CSNK1G1: variants seen among roughly 807,000 people sequenced by gnomAD.
CSNK1G1 encodes the protein casein kinase 1 gamma 1, also known as casein kinase I isoform gamma-1.
In CSNK1G1, 22 loss-of-function variants were observed where a neutral mutation model predicts 59.6. That is an observed-to-expected ratio of 0.37 (90% CI 0.26 to 0.53). CSNK1G1 has a LOEUF of 0.53. CSNK1G1 is among the 20% of genes least tolerant of loss of function. The pLI is 0.89. For missense variants in CSNK1G1, 384 were observed against 519.5 expected, an observed-to-expected ratio of 0.74 and a Z score of 2.54; for synonymous variants, 179 against 177.1, an observed-to-expected ratio of 1.01 and a Z score of -0.08.
intron 1 of CSNK1G1, among the ~76,000 whole-genome samples, chr15:64,338,653 T>C (rs747230335): frequency 1.8e-4 from 23 of 128,460 alleles, no homozygotes; most frequent in Non-Finnish European, 3.1e-5. Context: ...TGAGCTGAGA[T>C]CGTGCCACTG....
intron 1 of CSNK1G1, among the ~76,000 whole-genome samples, chr15:64,327,581 G>C (rs1374984074): frequency 3.5e-5 from 5 of 144,024 alleles, no homozygotes; most frequent in Non-Finnish European, 7.6e-5. Flanking sequence ...GGAAAAAACA[G>C]AACAGAAAAA....
Position 64,263,247 on chromosome 15 carries a change from G to A in CSNK1G1, c.182-4006C>T, listed in dbSNP as rs539876280. 1.9e-3 allele frequency among the ~76,000 whole-genome samples: 293 copies of A among 151,454 alleles called. 3 individuals are homozygous for A. The highest frequency in any genetic ancestry group is 9.9e-4 in the East Asian group (5 of 5,050). ...TCTGTTGCCCATGCTGGAGCGCAGT[G>A]GCATGATCTCAGCTCATTGCAACCT... On this transcript the variant is annotated intron_variant, in intron 2 of 11. Transcript: ENST00000303052.
At chr15:64,248,760 A>G (rs1440280348) in intron 4 of CSNK1G1, among the ~76,000 whole-genome samples, 1 of 151,586 alleles carries the variant, frequency 6.6e-6, no homozygotes, top group Non-Finnish European at 1.5e-5. Context: ...CGAGGCAGGC[A>G]GATCACGAGG....
At chr15:64,342,433 A>T (rs1897727234) in intron 1 of CSNK1G1, 1 of 152,202 alleles carries the variant, frequency 6.6e-6, no homozygotes, top group African/African-American at 2.4e-5. Context: ...ACAAGCCTTT[A>T]CTGCTGCTAG....
intron 1 of CSNK1G1, among the ~76,000 whole-genome samples, chr15:64,332,317 A>T (rs1305409018): frequency 4.4e-5 from 6 of 135,276 alleles, no homozygotes; most frequent in Admixed American, 2.4e-4. Context: ...AATGTGGCAC[A>T]TATACATCAT....
chr15:64,192,828 G>C (rs1022612919), intron 10 of CSNK1G1, among the ~76,000 whole-genome samples: 3 of 101,884 alleles, frequency 2.9e-5, no homozygotes, highest in African/African-American at 1.2e-4. Flanking sequence ...GAGTGACAGA[G>C]TGAGATCTGC....
At chr15:64,178,129 T>C (rs1042538863) in intron 11 of CSNK1G1, among the ~76,000 whole-genome samples, 1 of 152,182 alleles carries the variant, frequency 6.6e-6, no homozygotes, top group Non-Finnish European at 1.5e-5. Flanking sequence ...TTTTCTACCA[T>C]GCCCCAAATG....
intron 10 of CSNK1G1, among the ~76,000 whole-genome samples, chr15:64,199,286 A>G (rs560189213): frequency 6.4e-4 from 97 of 151,308 alleles, no homozygotes; most frequent in Middle Eastern, 6.8e-3. Flanking sequence ...AAAGAAAAGA[A>G]AAAGAGAAAA....
intron 7 of CSNK1G1, among the ~76,000 whole-genome samples, chr15:64,205,295 C>T (rs1466702433): frequency 6.6e-6 from 1 of 152,082 alleles, no homozygotes; most frequent in African/African-American, 2.4e-5. Context: ...CACCATAATT[C>T]AATATGATTC....
intron 11 of CSNK1G1, among the ~76,000 whole-genome samples, chr15:64,177,231 G>A (rs937830308): frequency 6.6e-6 from 1 of 152,172 alleles, no homozygotes; most frequent in Admixed American, 6.5e-5. Flanking sequence ...GTACTGAGGT[G>A]TGTCTCAATA....
intron 2 of CSNK1G1, among the ~76,000 whole-genome samples, chr15:64,272,136 G>T (rs756394193): frequency 6.6e-6 from 1 of 151,526 alleles, no homozygotes; most frequent in Non-Finnish European, 1.5e-5. Context: ...TTGAGCCTAC[G>T]GATATCATTA....
chr15:64,337,037 G>A (rs2140468233), intron 1 of CSNK1G1, among the ~76,000 whole-genome samples: 1 of 152,144 alleles, frequency 6.6e-6, no homozygotes, highest in South Asian at 2.1e-4. Context: ...AGACCAGCCT[G>A]GCCAACATGG....
intron 1 of CSNK1G1, among the ~76,000 whole-genome samples, chr15:64,325,660 A>C (rs1896799091): frequency 6.6e-6 from 1 of 152,068 alleles, no homozygotes; most frequent in Admixed American, 6.5e-5. Flanking sequence ...CACATCTCTA[A>C]ATTTTTACAG....
intron 1 of CSNK1G1, among the ~76,000 whole-genome samples, chr15:64,313,997 G>A (rs1896136042): frequency 6.6e-6 from 1 of 152,152 alleles, no homozygotes. Flanking sequence ...AACTTCTAGT[G>A]TAGAGAGGGC....
At chr15:64,343,127 G>A (rs370370091) in intron 1 of CSNK1G1, among the ~76,000 whole-genome samples, 1 of 151,394 alleles carries the variant, frequency 6.6e-6, no homozygotes, top group Non-Finnish European at 1.5e-5. Flanking sequence ...CAGGAGAATC[G>A]CTTGAACCCA....
intron 11 of CSNK1G1, among the ~76,000 whole-genome samples, chr15:64,173,749 A>C (rs150050492): frequency 6.7e-6 from 1 of 150,314 alleles, no homozygotes; most frequent in African/African-American, 2.4e-5. Context: ...CAGCCTCCTG[A>C]GTAGCTGGTG....
chr15:64,289,754 TAAAC>T (rs1025335959), intron 2 of CSNK1G1, among the ~76,000 whole-genome samples: 11 of 152,200 alleles, frequency 7.2e-5, no homozygotes, highest in East Asian at 5.8e-4. Flanking sequence ...ACAAGGAACT[TAAAC>T]AAACAATAAC....
At chr15:64,225,992 G>A (rs575247303) in intron 4 of CSNK1G1, among the ~76,000 whole-genome samples, 8 of 152,226 alleles carry the variant, frequency 5.3e-5, no homozygotes, top group Admixed American at 3.3e-4. Context: ...TGAGCCACCC[G>A]CTCAAGCCCG....
chr15:64,320,012 C>G (rs1896476140), intron 1 of CSNK1G1, among the ~76,000 whole-genome samples: 1 of 143,220 alleles, frequency 7.0e-6, no homozygotes, highest in Non-Finnish European at 1.5e-5. Flanking sequence ...TCAAGCAATC[C>G]TCCCACCTCA....
Sources: gnomAD v4.1 joint callset for allele counts (sites outside exome capture counted in the v4.1 genomes callset) on GRCh38, gnomAD v4.1.1 for gene constraint, MANE v1.5 for transcripts, NCBI Gene and HGNC (gene_info 2026-07-23, HGNC 2026-07-21) for gene names.